Variants in LEPR observed in about 807,000 individuals in gnomAD.
LEPR encodes the protein leptin receptor.
Under a neutral mutation model 114.7 loss-of-function variants are expected in LEPR, and 56 were observed. The ratio of observed to expected loss-of-function variants is 0.49; its 90% CI spans 0.39 to 0.61. The LOEUF (loss-of-function observed/expected upper bound fraction) is 0.61. Ranked by LOEUF, LEPR falls within the 20% of genes least tolerant of loss-of-function variation. The pLI is 0.00. For missense variants in LEPR, 1,202 were observed against 1,352.9 expected (o/e 0.89, Z 1.75); for synonymous variants, 443 against 461.4 (o/e 0.96, Z 0.51).
Position 65,608,910 on chromosome 1 carries a change from T to C in LEPR, c.1752+9T>C, listed in dbSNP as rs1656993948. 3 of 1,613,390 alleles carry C rather than the reference T, an allele frequency of 1.9e-6. No individual in the cohort carries two copies. The highest frequency in any genetic ancestry group is 2.5e-6 in the Non-Finnish European group (3 of 1,179,720). ...AAGAAGTACAATGGAAGGTACCTTT[T>C]ACTTAGAACTTCAGCTTTCCTCATT... On this transcript the variant is annotated intron_variant, in intron 12 of 19. Transcript: ENST00000349533.
chr1:65,633,441 C>A lies in LEPR; in HGVS notation c.2674-2750C>A. ...TAAAAGTAGTATTCATGATTTCTGG[C>A]TTTTGATTTGTCATATTCCTGGTCA... is the stretch of plus-strand genomic sequence containing the variant. On this transcript the variant is annotated intron_variant, in intron 19 of 19. Coordinates refer to ENST00000349533, the MANE Select transcript of LEPR (RefSeq NM_002303.6). This position sits in a 1 kb window ranked among gnomAD's most constrained non-coding sequence, Gnocchi z 4.1. The A allele has an allele frequency of 1.6e-6, 2 of 1,264,858 alleles. No individual in the cohort carries two copies. Among genetic ancestry groups the A allele is most frequent in the South Asian group, 2.7e-5 (1 of 37,670 alleles). The allele number at this position is 1,264,858 out of a possible 1,614,324, so 78.4% of individuals were successfully genotyped here.
At chr1:65,531,432 T>C (rs1650390742) in intron 2 of LEPR, among the ~76,000 whole-genome samples, 1 of 151,950 alleles carries the variant, frequency 6.6e-6, no homozygotes, top group Non-Finnish European at 1.5e-5. Context: ...CTCCTTTCCT[T>C]TCCTTTCCTC....
chr1:65,633,161 A>G lies in LEPR; in HGVS notation c.2674-3030A>G. ...TATTTTATCTAAACAGAGAACGGACATTCTTTGAAGTCTAATCATGATCAC... is the reference window on the plus strand; with the variant it reads ...TATTTTATCTAAACAGAGAACGGACGTTCTTTGAAGTCTAATCATGATCAC... On this transcript the variant is annotated intron_variant, in intron 19 of 19. Coordinates refer to ENST00000349533, the MANE Select transcript of LEPR (RefSeq NM_002303.6). The surrounding 1 kb of genome is among the most constrained non-coding windows in gnomAD (Gnocchi z 4.1). The G allele has an allele frequency of 6.3e-7, 1 of 1,598,580 alleles. No homozygotes were observed. The highest frequency in any genetic ancestry group is 1.1e-5 in the South Asian group (1 of 90,718).
At chr1:65,524,696 A>G (rs1303079661) in intron 2 of LEPR, among the ~76,000 whole-genome samples, 1 of 152,116 alleles carries the variant, frequency 6.6e-6, no homozygotes, top group Non-Finnish European at 1.5e-5. Context: ...CCATCCATCC[A>G]ATCTAGAGAA....
chr1:65,564,855 T>C (rs1445618893), intron 2 of LEPR, among the ~76,000 whole-genome samples: 2 of 152,178 alleles, frequency 1.3e-5, no homozygotes, highest in African/African-American at 2.4e-5. Context: ...ATTATACTAC[T>C]ATTTGGATTT....
At chr1:65,426,014 G>C (rs1411194797) in intron 2 of LEPR, among the ~76,000 whole-genome samples, 6 of 152,170 alleles carry the variant, frequency 3.9e-5, no homozygotes, top group African/African-American at 1.4e-4. Flanking sequence ...TGTTTCAGTG[G>C]GGGAGACGGA....
chr1:65,493,084 A>G (rs1287364901), intron 2 of LEPR, among the ~76,000 whole-genome samples: 2 of 151,644 alleles, frequency 1.3e-5, no homozygotes, highest in Non-Finnish European at 2.9e-5. Context: ...GCAGCATCAC[A>G]CCTAGTGTCT....
At chr1:65,634,854 G>A (rs927959115) in intron 19 of LEPR, 2 of 871,196 alleles carry the variant, frequency 2.3e-6, no homozygotes, top group African/African-American at 3.7e-5. Context: ...TTGAAGAAAT[G>A]TATAAAACCA....
chr1:65,598,520 T>C, intron 7 of LEPR, 140 bp from the exon 8 acceptor site: 6 of 1,272,366 alleles, frequency 4.7e-6, no homozygotes, highest in Non-Finnish European at 6.4e-6. Context: ...TATTGATGTT[T>C]GTTTTAATTC....
At position 65,601,653 on chromosome 1, in the gene LEPR, A is replaced by T. The variant is rs373207281; in HGVS notation, c.1256A>T (p.His419Leu). The T allele has an allele frequency of 6.2e-7, 1 of 1,613,714 alleles. No individual in the cohort carries two copies. The highest frequency in any genetic ancestry group is 8.5e-7 in the Non-Finnish European group (1 of 1,179,734). The change falls in exon 9 of 20, where the codon CAT becomes CTT. Residue 419 changes from histidine to leucine, a missense_variant. Coordinates refer to ENST00000349533, the MANE Select transcript of LEPR (RefSeq NM_002303.6). ...AVYCCNEHEC[H>L]HRYAELYVID... ...TACTGCTGCAATGAACATGAATGCC[A>T]TCATCGCTATGCTGAATTATATGTG...
intron 2 of LEPR, among the ~76,000 whole-genome samples, chr1:65,504,870 T>C (rs1488483183): frequency 6.6e-6 from 1 of 152,152 alleles, no homozygotes; most frequent in African/African-American, 2.4e-5. Context: ...TCTACTATCT[T>C]TATCACTTTT....
At chr1:65,441,256 C>G (rs963621270) in intron 2 of LEPR, among the ~76,000 whole-genome samples, 15 of 152,092 alleles carry the variant, frequency 9.9e-5, no homozygotes, top group African/African-American at 3.1e-4. Flanking sequence ...GTGTCTGTCC[C>G]TGGGGCCTGC....
chr1:65,443,556 A>G (rs2100291074), intron 2 of LEPR, among the ~76,000 whole-genome samples: 1 of 152,064 alleles, frequency 6.6e-6, no homozygotes, highest in Non-Finnish European at 1.5e-5. Context: ...AAATATATAA[A>G]AAGATATACT....
chr1:65,525,499 C>A (rs1258745503), intron 2 of LEPR: 7 of 382,958 alleles, frequency 1.8e-5, no homozygotes, highest in Non-Finnish European at 2.5e-5. Context: ...CCGCCGCCCC[C>A]GCCACCTGCG....
At chr1:65,611,057 T>C (rs1370862742) in intron 14 of LEPR, among the ~76,000 whole-genome samples, 2 of 152,242 alleles carry the variant, frequency 1.3e-5, no homozygotes, top group Non-Finnish European at 2.9e-5. Context: ...TATAATTTCA[T>C]TTGGTGAATA....
At chr1:65,514,539 T>C (rs1319507284) in intron 2 of LEPR, among the ~76,000 whole-genome samples, 1 of 152,248 alleles carries the variant, frequency 6.6e-6, no homozygotes, top group East Asian at 1.9e-4. Flanking sequence ...TATGCATTAT[T>C]CCATAATCTG....
intron 10 of LEPR, among the ~76,000 whole-genome samples, chr1:65,603,693 A>C (rs1028370272): frequency 6.8e-6 from 1 of 146,222 alleles, no homozygotes; most frequent in African/African-American, 2.5e-5. Context: ...TTTTTTTTGC[A>C]ACTGGTTTTT....
intron 2 of LEPR, among the ~76,000 whole-genome samples, chr1:65,503,519 T>C (rs1017520180): frequency 6.6e-6 from 1 of 152,064 alleles, no homozygotes; most frequent in African/African-American, 2.4e-5. Context: ...TGATAAAGTC[T>C]CCCATGGGGG....
Position 65,420,727 on chromosome 1 carries a change from G to A in LEPR, c.-110G>A. ...GCCGCGGCCCCAGTTCGGGAGACAT[G>A]GCGGGCGTTAAAGGTACATCGCGGT... is the stretch of plus-strand genomic sequence containing the variant. On this transcript the variant is annotated 5_prime_UTR_variant, in exon 1 of 20. The change abolishes an upstream ATG in the 5' untranslated region. Coordinates refer to ENST00000349533, the MANE Select transcript of LEPR (RefSeq NM_002303.6). 1 of 1,584,168 alleles carries A rather than the reference G, an allele frequency of 6.3e-7. No individual in the cohort carries two copies. Among genetic ancestry groups the A allele is most frequent in the Non-Finnish European group, 8.6e-7 (1 of 1,167,520 alleles).
Sources: gnomAD v4.1 joint callset for allele counts (sites outside exome capture counted in the v4.1 genomes callset) on GRCh38, gnomAD v4.1.1 for gene constraint, Gnocchi (gnomAD v3.1) non-coding constraint, MANE v1.5 for transcripts, NCBI Gene and HGNC (gene_info 2026-07-23, HGNC 2026-07-21) for gene names.